Variants in MAPRE2 observed in about 807,000 individuals in gnomAD.
MAPRE2 encodes microtubule-associated protein RP/EB family member 2.
MAPRE2 carries 13 observed loss-of-function variants against 43.2 expected under a neutral mutation model. The ratio of observed to expected loss-of-function variants is 0.30; its 90% CI spans 0.20 to 0.48. The LOEUF (loss-of-function observed/expected upper bound fraction) is 0.48, where lower values mean the gene tolerates loss of function less well. Ranked by LOEUF, MAPRE2 falls within the 20% of genes least tolerant of loss-of-function variation. The pLI, the probability that MAPRE2 is intolerant of heterozygous loss-of-function variation, is 0.99. For missense variants in MAPRE2, 161 were observed against 400.2 expected (o/e 0.40, Z 5.10); for synonymous variants, 135 against 148.8 (o/e 0.91, Z 0.68).
intron 2 of MAPRE2, among the ~76,000 whole-genome samples, chr18:35,030,807 C>T (rs1289810792): frequency 1.3e-5 from 2 of 152,090 alleles, no homozygotes; most frequent in African/African-American, 2.4e-5. Flanking sequence ...CTACAGTTAT[C>T]TCTCCCATCC....
chr18:35,015,544 G>A lies in MAPRE2; in HGVS notation c.-8+9991G>A, dbSNP rs552813548. On this transcript the variant is annotated intron_variant, in intron 2 of 7. Coordinates refer to the MAPRE2 transcript ENST00000413393. ...CCCAAGCGGGTGTGAATGCAAATTT[G>A]TTATCTACCCTAACGAATCACGTTT... Among the ~76,000 whole-genome samples, 92 of 151,824 alleles carry A rather than the reference G, an allele frequency of 6.1e-4. 2 individuals are homozygous for A. The South Asian group carries it at 0.013, about 22-fold the overall frequency.
intron 5 of MAPRE2, 37 bp downstream of exon 5, chr18:35,127,124 T>C: frequency 6.2e-7 from 1 of 1,612,976 alleles, no homozygotes; most frequent in East Asian, 2.2e-5. Context: ...CTAGGAGCAG[T>C]GACGTGTGTA....
rs1910587100 is a variant in MAPRE2, at chr18:35,140,511, C to G, written c.*142C>G. 13 of 799,580 alleles carry G rather than the reference C, an allele frequency of 1.6e-5. No individual in the cohort carries two copies. The South Asian group carries it at 2.4e-4, about 14-fold the overall frequency. 49.5% of individuals were successfully genotyped at this position (799,580 alleles called of 1,614,324 possible). ...ATCAACGCACTGTTGCATATGCCAG[C>G]CACTGCGCTTGGTTCCCATTTTCTT... On this transcript the variant is annotated 3_prime_UTR_variant, in exon 7 of 7. Coordinates refer to ENST00000300249, the MANE Select transcript of MAPRE2 (RefSeq NM_014268.4).
chr18:35,122,430 G>A (rs912676725), intron 4 of MAPRE2, among the ~76,000 whole-genome samples: 3 of 152,168 alleles, frequency 2.0e-5, no homozygotes, highest in African/African-American at 4.8e-5. Context: ...AGGTAAAAAT[G>A]TAGTTAAGTA....
chr18:35,137,512 C>A (rs1453036767), intron 6 of MAPRE2, among the ~76,000 whole-genome samples: 1 of 152,214 alleles, frequency 6.6e-6, no homozygotes, highest in Non-Finnish European at 1.5e-5. Context: ...ATGAGAATTT[C>A]TGCAAAATGT....
chr18:35,020,131 G>A (rs1185426179), intron 2 of MAPRE2, among the ~76,000 whole-genome samples: 3 of 152,064 alleles, frequency 2.0e-5, no homozygotes, highest in African/African-American at 7.2e-5. Flanking sequence ...TCTAAAATTA[G>A]CTGTGCTTCA....
At chr18:35,031,122 C>G (rs571514643) in intron 2 of MAPRE2, among the ~76,000 whole-genome samples, 3 of 152,366 alleles carry the variant, frequency 2.0e-5, no homozygotes, top group Admixed American at 2.0e-4. Flanking sequence ...ATCTGACACA[C>G]TACATATTTT....
At position 35,033,236 on chromosome 18, in the gene MAPRE2, A is replaced by G. The variant is rs181766952; in HGVS notation, c.-8+27683A>G. Among the ~76,000 whole-genome samples, 32 of 152,358 alleles carry G rather than the reference A, an allele frequency of 2.1e-4. 1 individual carries two copies. In the East Asian group the frequency reaches 6.2e-3, roughly 29 times the overall value. ...CGCAAATCAATAAATGTAATCTAGC[A>G]TATAAACAGAACCAAAGACAAAAAC... On this transcript the variant is annotated intron_variant, in intron 2 of 7. Transcript: ENST00000413393.
At chr18:35,066,365 T>G (rs498057) in intron 1 of MAPRE2, among the ~76,000 whole-genome samples, 20,988 of 152,170 alleles carry the variant, frequency 0.14, 1,619 homozygotes, top group East Asian at 0.3. Flanking sequence ...GATATAAAAT[T>G]TCCTTGTGTT....
At chr18:34,999,288 A>G (rs562363448) in intron 1 of MAPRE2, among the ~76,000 whole-genome samples, 2 of 152,368 alleles carry the variant, frequency 1.3e-5, no homozygotes, top group East Asian at 3.9e-4. Flanking sequence ...AACACTTTAC[A>G]GAACTATAAT....
intron 2 of MAPRE2, among the ~76,000 whole-genome samples, chr18:35,007,697 A>C (rs1239015260): frequency 6.6e-6 from 1 of 152,254 alleles, no homozygotes; most frequent in Non-Finnish European, 1.5e-5. Context: ...AACCATCATT[A>C]GTCCCTCTCC....
At chr18:35,112,123 T>C (rs541026020) in intron 4 of MAPRE2, among the ~76,000 whole-genome samples, 3 of 152,252 alleles carry the variant, frequency 2.0e-5, no homozygotes, top group Non-Finnish European at 4.4e-5. Context: ...TCTCTTCAAA[T>C]AGATGTTAGT....
rs751189912 is a variant in MAPRE2, at chr18:35,008,994, A to ATATG, written c.-8+3442_-8+3445dup. 1.1e-4 allele frequency among the ~76,000 whole-genome samples: 16 copies of ATATG among 152,136 alleles called. 1 individual carries two copies. The highest frequency in any genetic ancestry group is 4.6e-4 in the Admixed American group (7 of 15,254). ...CACGTGTGTGTGTGTACATATATAT[A>ATATG]TATGAATGATGTGCTCATTCTACAT... On this transcript the variant is annotated intron_variant, in intron 2 of 7. Coordinates refer to the MAPRE2 transcript ENST00000413393.
chr18:35,133,075 C>T (rs951014076), intron 6 of MAPRE2, among the ~76,000 whole-genome samples: 4 of 152,118 alleles, frequency 2.6e-5, no homozygotes, highest in African/African-American at 9.7e-5. Flanking sequence ...GTTCTGAGGG[C>T]CTCCAGTGGA....
At chr18:34,992,273 C>T (rs2097024208) in intron 1 of MAPRE2, among the ~76,000 whole-genome samples, 1 of 152,074 alleles carries the variant, frequency 6.6e-6, no homozygotes, top group Non-Finnish European at 1.5e-5. Flanking sequence ...CAAAAGAAAA[C>T]ATGAAGTAAG....
chr18:35,045,069 C>T (rs529534822), intron 1 of MAPRE2, among the ~76,000 whole-genome samples: 1 of 152,344 alleles, frequency 6.6e-6, no homozygotes, highest in East Asian at 1.9e-4. Context: ...GCTTAGCAGA[C>T]TCATAGAGAC....
At position 35,002,690 on chromosome 18, in the gene MAPRE2, G is replaced by T. The variant is rs779619868; in HGVS notation, c.-69-2802G>T. 2.0e-5 allele frequency among the ~76,000 whole-genome samples: 3 copies of T among 151,746 alleles called. No individual in the cohort carries two copies. In the South Asian group the frequency reaches 6.3e-4, roughly 32 times the overall value. On this transcript the variant is annotated intron_variant, in intron 1 of 7. Transcript: ENST00000413393. ...TGTTGTATACCATTTAATATTATTT[G>T]CTTTCCGTATATGTATATCCTCTTC...
chr18:35,045,092 C>T (rs1905555161), intron 1 of MAPRE2, among the ~76,000 whole-genome samples: 1 of 152,174 alleles, frequency 6.6e-6, no homozygotes, highest in African/African-American at 2.4e-5. Context: ...GTTTTCACTC[C>T]TGTGTGATTT....
intron 1 of MAPRE2, among the ~76,000 whole-genome samples, chr18:35,059,177 C>T (rs1433118095): frequency 1.3e-5 from 2 of 152,226 alleles, no homozygotes; most frequent in Non-Finnish European, 2.9e-5. Flanking sequence ...AGAGTTGAGA[C>T]ACATGTGCCC....
Sources: gnomAD v4.1 joint callset for allele counts (sites outside exome capture counted in the v4.1 genomes callset) on GRCh38, gnomAD v4.1.1 for gene constraint, MANE v1.5 for transcripts, NCBI Gene and HGNC (gene_info 2026-07-23, HGNC 2026-07-21) for gene names.